The following SURF1 variants were observed in gnomAD, a reference collection of about 807,000 sequenced individuals.
The protein encoded by SURF1 is SURF1 cytochrome c oxidase assembly factor, also known as surfeit locus protein 1.
A neutral mutation model predicts 34.1 loss-of-function variants in SURF1; 45 were observed. The ratio of observed to expected loss-of-function variants is 1.32; its 90% CI spans 1.04 to 1.69. The LOEUF (loss-of-function observed/expected upper bound fraction) is 1.69, where lower values mean the gene tolerates loss of function less well. SURF1 is among the 40% of genes most tolerant of loss of function. The pLI is 0.00. For synonymous variants in SURF1, 188 were observed against 147.5 expected (o/e 1.27, Z -1.99); for missense variants, 456 against 384.6 (o/e 1.19, Z -1.55).
chr9:133,353,430 C>T (rs942347600), intron 5 of SURF1, among the ~76,000 whole-genome samples: 1 of 152,186 alleles, frequency 6.6e-6, no homozygotes, highest in Non-Finnish European at 1.5e-5. Context: ...AGTCCTCTTG[C>T]TGGCCCCTCA....
Position 133,352,621 on chromosome 9 carries a change from G to C in SURF1, c.589-13C>G. 1 of 1,614,124 alleles carries C rather than the reference G, an allele frequency of 6.2e-7. No individual in the cohort carries two copies. The highest frequency in any genetic ancestry group is 8.5e-7 in the Non-Finnish European group (1 of 1,179,984). On this transcript the variant is annotated splice_polypyrimidine_tract_variant and intron_variant, in intron 6 of 8. Coordinates refer to ENST00000371974, the MANE Select transcript of SURF1 (RefSeq NM_003172.4). ...CTTCTCCCTCAATCTATAAAGGAAG[G>C]TGTGTGAGATTGCATGGAGCCTGGT...
At position 133,354,737 on chromosome 9, in the gene SURF1, T is replaced by C; in HGVS notation, c.245A>G (p.Gln82Arg). ...TAFGLGTWQV[Q>R]RRKWKLNLIA... Reference sequence around the variant, plus strand: ...CAGGTTCAGCTTCCACTTCCGACGCTGGACCTACAGTGACAGAGCATAAGG... The same window carrying C: ...CAGGTTCAGCTTCCACTTCCGACGCCGGACCTACAGTGACAGAGCATAAGG... The change falls in exon 4 of 9, where the codon CAG becomes CGG. Residue 82 changes from glutamine (Q) to arginine (R), a missense_variant. Gln to Arg is a conservative substitution (Grantham distance 43). Coordinates refer to ENST00000371974, the MANE Select transcript of SURF1 (RefSeq NM_003172.4). 2 of 1,613,664 alleles carry C rather than the reference T, an allele frequency of 1.2e-6. No individual in the cohort carries two copies. Among genetic ancestry groups the C allele is most frequent in the Non-Finnish European group, 1.7e-6 (2 of 1,180,018 alleles).
intron 7 of SURF1, 37 bp from the exon 8 acceptor site, chr9:133,352,179 GC>G: frequency 1.3e-6 from 2 of 1,553,272 alleles, no homozygotes; most frequent in Non-Finnish European, 1.7e-6. Flanking sequence ...CCCCCTACTG[GC>G]CTGCCAGCCT....
Position 133,352,599 on chromosome 9 carries a change from C to T in SURF1, c.598G>A (p.Glu200Lys), listed in dbSNP as rs1836456378. ...ETRQKGQIEG[E>K]VDLIGMVRLT... ...CTCACCATCCCAATGAGGTCCACTT[C>T]TCCCTCAATCTATAAAGGAAGGTGT... Residue 200 changes from glutamate to lysine, a missense_variant, in exon 7 of 9, where the codon GAA becomes AAA. Glu to Lys is a moderately conservative substitution (Grantham distance 56). Transcript: ENST00000371974. The T allele has an allele frequency of 6.2e-7, 1 of 1,614,066 alleles. No individual in the cohort carries two copies. The highest frequency in any genetic ancestry group is 1.1e-5 in the South Asian group (1 of 91,086).
In SURF1 at chr9:133,354,656, C is replaced by T. The variant is rs1836518461; in HGVS notation, c.323+3G>A. The T allele has an allele frequency of 1.9e-6, 3 of 1,612,674 alleles. No homozygotes were observed. The highest frequency in any genetic ancestry group is 2.7e-5 in the African/African-American group (2 of 75,026). ...GGCCCTAGGGGGGCAGCCATGCACT[C>T]ACTCGGCTGGCAGAGGGACAGGCTC... On this transcript the variant is annotated splice_donor_region_variant and intron_variant, in intron 4 of 8. Coordinates refer to ENST00000371974, the MANE Select transcript of SURF1 (RefSeq NM_003172.4).
intron 5 of SURF1, among the ~76,000 whole-genome samples, chr9:133,353,212 A>G (rs918424241): frequency 2.0e-5 from 3 of 152,124 alleles, no homozygotes; most frequent in Non-Finnish European, 2.9e-5. Flanking sequence ...CCCAGCCCTA[A>G]AACAGGAACC....
At position 133,353,747 on chromosome 9, in the gene SURF1, A is replaced by G. The variant is rs2130014162; in HGVS notation, c.515+2T>C. 6.2e-7 allele frequency: 1 copy of G among 1,613,534 alleles called. No homozygotes were observed. Among genetic ancestry groups the G allele is most frequent in the South Asian group, 1.1e-5 (1 of 91,080 alleles). On this transcript the variant is annotated splice_donor_variant, in intron 5 of 8. Transcript: ENST00000371974. LOFTEE classifies it high-confidence loss of function. ...CAGCCAGCTCCCACATGTCCTACTC[A>G]CCCCAGGTCGGTGCAGTGGAAGGGA...
In SURF1 at chr9:133,353,951, A is replaced by C. The variant is rs2130015668; in HGVS notation, c.324-11T>G. The C allele has an allele frequency of 9.9e-6, 16 of 1,613,764 alleles. No individual in the cohort carries two copies. In the South Asian group the frequency reaches 1.8e-4, roughly 18 times the overall value. Reference sequence around the variant, plus strand: ...TTCAGTTCCATTGGGCTGCATGGAGATAAGAACAGTGGCCGAGCAAGGTTT... The same window carrying C: ...TTCAGTTCCATTGGGCTGCATGGAGCTAAGAACAGTGGCCGAGCAAGGTTT... On this transcript the variant is annotated splice_polypyrimidine_tract_variant and intron_variant, in intron 4 of 8. Transcript: ENST00000371974.
chr9:133,352,341 C>T (rs1236770615), intron 7 of SURF1, 105 bp downstream of exon 7: 33 of 1,577,114 alleles, frequency 2.1e-5, no homozygotes, highest in African/African-American at 2.7e-5. Flanking sequence ...GCCATATACA[C>T]ATGTGAGAAC....
chr9:133,352,452 T>G lies in SURF1; in HGVS notation c.745A>C (p.Asn249His). 1 of 1,614,228 alleles carries G rather than the reference T, an allele frequency of 6.2e-7. No individual in the cohort carries two copies. Among genetic ancestry groups the G allele is most frequent in the East Asian group, 2.2e-5 (1 of 44,880 alleles). ...TGAEPIFIDA[N>H]FQSTVPGGPI... ...GGGCTGGTCCACAACGTACGGAAGTTGGCATCAATGAAGATGGGCTCTGCG... is the reference window on the plus strand; with the variant it reads ...GGGCTGGTCCACAACGTACGGAAGTGGGCATCAATGAAGATGGGCTCTGCG... The change falls in exon 7 of 9, where the codon AAC becomes CAC. Residue 249 changes from asparagine to histidine, a missense_variant. Asn to His is a moderately conservative substitution (Grantham distance 68, BLOSUM62 1). Transcript: ENST00000371974.
chr9:133,352,868 AAGGC>A, intron 5 of SURF1, 102 bp from the exon 6 acceptor site: 1 of 1,313,024 alleles, frequency 7.6e-7, no homozygotes, highest in Non-Finnish European at 1.1e-6. Flanking sequence ...AGCACCAAGG[AAGGC>A]TTTTAAAACA....
rs2130017927 is a variant in SURF1 at position 133,354,698 on chromosome 9, TCCAA to T, written c.280_283del (p.Leu94SerfsTer18). 2 of 1,613,422 alleles carry T rather than the reference TCCAA, an allele frequency of 1.2e-6. No individual in the cohort carries two copies. The highest frequency in any genetic ancestry group is 2.2e-5 in the South Asian group (2 of 91,072). On this transcript the variant is annotated frameshift_variant, in exon 4 of 9. Coordinates refer to ENST00000371974, the MANE Select transcript of SURF1 (RefSeq NM_003172.4). LOFTEE classifies it high-confidence loss of function. ...GACAGGCTCAGCCAGAACTCTGGAC[TCCAA>T]CTCTGCAATCAGGTTCAGCTTCCAC...
rs2130015273 is a variant in SURF1, at chr9:133,353,898, G to A, written c.366C>T (p.Val122=). ...LKNLEYRPVK[V]RGCFDHSKEL... is the part of the protein sequence containing the mutation. ...CCTTGGAATGGTCAAAGCACCCCCTGACCTTCACTGGCCTATACTCCAGAT... is the reference window on the plus strand; with the variant it reads ...CCTTGGAATGGTCAAAGCACCCCCTAACCTTCACTGGCCTATACTCCAGAT... Residue 122 remains valine, a synonymous_variant, in exon 5 of 9, where the codon GTC becomes GTT. Coordinates refer to ENST00000371974, the MANE Select transcript of SURF1 (RefSeq NM_003172.4). 8 of 1,613,772 alleles carry A rather than the reference G, an allele frequency of 5.0e-6. No individual in the cohort carries two copies. The highest frequency in any genetic ancestry group is 6.8e-6 in the Non-Finnish European group (8 of 1,180,046).
intron 8 of SURF1, 33 bp from the exon 9 acceptor site, chr9:133,352,015 C>T (rs2130003633): frequency 1.9e-6 from 3 of 1,613,154 alleles, no homozygotes; most frequent in Non-Finnish European, 2.5e-6. Context: ...CATTAGCAGG[C>T]TGCTAGGCTG....
chr9:133,352,955 G>T (rs2130011121), intron 5 of SURF1, among the ~76,000 whole-genome samples, 189 bp from the exon 6 acceptor site: 1 of 152,206 alleles, frequency 6.6e-6, no homozygotes, highest in East Asian at 1.9e-4. Context: ...TTCGTGGTTG[G>T]TAAAAGGCTC....
chr9:133,355,648 G>C (rs781567928), intron 2 of SURF1, among the ~76,000 whole-genome samples: 1 of 152,144 alleles, frequency 6.6e-6, no homozygotes, highest in Non-Finnish European at 1.5e-5. Context: ...GTGTTATGTA[G>C]AAAAATATAT....
intron 4 of SURF1, 129 bp from the exon 5 acceptor site, chr9:133,354,069 G>A: frequency 9.6e-7 from 1 of 1,042,100 alleles, no homozygotes; most frequent in Non-Finnish European, 1.5e-6. Context: ...GCTCTTCAAA[G>A]GGGAACTTTG....
chr9:133,353,126 C>T (rs1177651731), intron 5 of SURF1, among the ~76,000 whole-genome samples: 1 of 152,188 alleles, frequency 6.6e-6, no homozygotes, highest in Non-Finnish European at 1.5e-5. Flanking sequence ...GTCTCCAATC[C>T]CTCCTCCTAA....
At chr9:133,353,676 G>T in intron 5 of SURF1, 73 bp downstream of exon 5, 1 of 1,572,268 alleles carries the variant, frequency 6.4e-7, no homozygotes, top group Non-Finnish European at 8.7e-7. Flanking sequence ...GGATTGTGAA[G>T]GAAATAGTGA....
Sources: allele counts gnomAD v4.1 joint callset (sites outside exome capture counted in the v4.1 genomes callset), GRCh38; gene constraint gnomAD v4.1.1; transcripts MANE v1.5; gene names NCBI Gene and HGNC (gene_info 2026-07-23, HGNC 2026-07-21).